The following CEP112 variants were observed in gnomAD, a reference collection of about 807,000 sequenced individuals.
CEP112 encodes the protein centrosomal protein of 112 kDa.
A neutral mutation model predicts 153.0 loss-of-function variants in CEP112; 127 were observed. That is an observed-to-expected ratio of 0.83 (90% CI 0.72 to 0.96). The LOEUF is 0.96. Ranked by LOEUF, CEP112 falls within the 40% of genes least tolerant of loss-of-function variation. The pLI is 0.00. For synonymous variants in CEP112, 358 were observed against 374.4 expected (o/e 0.96, Z 0.51); for missense variants, 1,089 against 1,101.2 (o/e 0.99, Z 0.16).
intron 4 of CEP112, among the ~76,000 whole-genome samples, chr17:66,140,104 G>T (rs2070623263): frequency 6.6e-6 from 1 of 152,134 alleles, no homozygotes; most frequent in South Asian, 2.1e-4. Flanking sequence ...TTATCCCTAA[G>T]ATGCCAGGAT....
chr17:65,827,787 T>C (rs1207725524), intron 21 of CEP112, among the ~76,000 whole-genome samples: 1 of 152,190 alleles, frequency 6.6e-6, no homozygotes, highest in Non-Finnish European at 1.5e-5. Context: ...ATGCCAGCCA[T>C]GCTCTTGCAT....
At chr17:65,835,371 T>G (rs2057264449) in intron 21 of CEP112, among the ~76,000 whole-genome samples, 1 of 152,036 alleles carries the variant, frequency 6.6e-6, no homozygotes, top group Admixed American at 6.5e-5. Flanking sequence ...TCAATCAAAT[T>G]TAACCCAAAG....
chr17:65,637,062 A>G, intron 26 of CEP112, 62 bp downstream of exon 26: 4 of 1,233,224 alleles, frequency 3.2e-6, no homozygotes, highest in South Asian at 2.5e-5. Context: ...CCAGACAAGG[A>G]GGCTCACAGG....
intron 20 of CEP112, among the ~76,000 whole-genome samples, chr17:65,864,724 C>T (rs986369044): frequency 3.3e-5 from 5 of 152,124 alleles, no homozygotes; most frequent in African/African-American, 1.2e-4. Flanking sequence ...GGAAAGAGCA[C>T]TACAACACCA....
intron 8 of CEP112, among the ~76,000 whole-genome samples, chr17:66,078,323 A>G (rs1430409401): frequency 4.7e-5 from 7 of 147,746 alleles, no homozygotes; most frequent in African/African-American, 1.8e-4. Flanking sequence ...CAGTGACACG[A>G]TCTCAGCTCA....
At chr17:66,155,952 G>A (rs527554396) in intron 4 of CEP112, among the ~76,000 whole-genome samples, 5 of 152,216 alleles carry the variant, frequency 3.3e-5, no homozygotes, top group East Asian at 1.9e-4. Flanking sequence ...GGCTGTGGGC[G>A]CAGCTCCAGA....
At chr17:65,895,765 C>T (rs937653683) in intron 20 of CEP112, among the ~76,000 whole-genome samples, 2 of 152,062 alleles carry the variant, frequency 1.3e-5, no homozygotes. Flanking sequence ...AAATGGAATA[C>T]AGTTGGATGT....
chr17:66,041,448 C>T (rs985697357), intron 12 of CEP112, among the ~76,000 whole-genome samples: 3 of 152,106 alleles, frequency 2.0e-5, no homozygotes, highest in African/African-American at 7.2e-5. Context: ...TGTCACTTCA[C>T]TTATAATCAG....
chr17:65,717,498 C>G (rs1228374252), intron 23 of CEP112, among the ~76,000 whole-genome samples: 1 of 152,200 alleles, frequency 6.6e-6, no homozygotes, highest in African/African-American at 2.4e-5. Context: ...CTTATCTTTT[C>G]TTTTGGTTGG....
At chr17:65,953,606 T>C (rs2061907942) in intron 18 of CEP112, among the ~76,000 whole-genome samples, 1 of 152,132 alleles carries the variant, frequency 6.6e-6, no homozygotes, top group Non-Finnish European at 1.5e-5. Flanking sequence ...TCGGTGCTGT[T>C]GGAAGGACAC....
At chr17:66,124,153 T>G (rs1471202221) in intron 6 of CEP112, among the ~76,000 whole-genome samples, 1 of 152,216 alleles carries the variant, frequency 6.6e-6, no homozygotes, top group East Asian at 1.9e-4. Flanking sequence ...TCTATGAGGC[T>G]ATGATTTGGG....
intron 23 of CEP112, among the ~76,000 whole-genome samples, chr17:65,739,322 T>G (rs2050985114): frequency 6.6e-6 from 1 of 152,176 alleles, no homozygotes; most frequent in African/African-American, 2.4e-5. Flanking sequence ...GAGTATGCAG[T>G]GGTGATAATT....
intron 17 of CEP112, among the ~76,000 whole-genome samples, chr17:65,971,174 ACATGTACAGCACATG>A (rs1436870953): frequency 1.8e-5 from 1 of 55,288 alleles, no homozygotes; most frequent in Non-Finnish European, 4.2e-5. Flanking sequence ...CATGTACAGC[ACATGTACAGCACATG>A]CATATCACAT....
At chr17:65,729,910 CT>C (rs1416469253) in intron 23 of CEP112, among the ~76,000 whole-genome samples, 1 of 84,612 alleles carries the variant, frequency 1.2e-5, no homozygotes, top group Non-Finnish European at 2.3e-5. Context: ...GAGATCCTGT[CT>C]CAAACAAACA....
At chr17:65,866,580 A>G (rs9898433) in intron 20 of CEP112, among the ~76,000 whole-genome samples, 152,178 of 152,298 alleles carry the variant, frequency 1, 76,029 homozygotes, top group Non-Finnish European at 1. Context: ...GGCCTGCCAT[A>G]GCCATCCATG....
At chr17:65,973,402 C>T (rs997699736) in intron 17 of CEP112, among the ~76,000 whole-genome samples, 2 of 152,090 alleles carry the variant, frequency 1.3e-5, no homozygotes, top group African/African-American at 4.8e-5. Context: ...AATCTCAAAA[C>T]TTAATTATAA....
At chr17:66,029,739 C>A (rs2065382418) in intron 13 of CEP112, 130 bp downstream of exon 13, 2 of 591,732 alleles carry the variant, frequency 3.4e-6, no homozygotes, top group Non-Finnish European at 2.6e-6. Context: ...AACAAACAAA[C>A]AGCAGTATTT....
At chr17:65,880,115 T>C (rs1398293895) in intron 20 of CEP112, among the ~76,000 whole-genome samples, 1 of 152,326 alleles carries the variant, frequency 6.6e-6, no homozygotes, top group East Asian at 1.9e-4. Context: ...TTAAAAAATA[T>C]GTTGTATATT....
chr17:65,768,022 G>A (rs6504349), intron 21 of CEP112, among the ~76,000 whole-genome samples: 72,835 of 151,832 alleles, frequency 0.48, 19,153 homozygotes, highest in East Asian at 0.78. Flanking sequence ...ACCCTTGAAC[G>A]ACATGGAGGT....
Sources: allele counts gnomAD v4.1 joint callset (sites outside exome capture counted in the v4.1 genomes callset), GRCh38; gene constraint gnomAD v4.1.1; transcripts MANE v1.5; gene names NCBI Gene and HGNC (gene_info 2026-07-23, HGNC 2026-07-21).